The following GRM4 variants were observed in gnomAD, a reference collection of about 807,000 sequenced individuals.
GRM4 encodes the protein glutamate metabotropic receptor 4, also known as metabotropic glutamate receptor 4.
In GRM4, 28 loss-of-function variants were observed where a neutral mutation model predicts 81.7. The observed-to-expected ratio is 0.34, with a 90% CI of 0.25 to 0.47. The LOEUF (loss-of-function observed/expected upper bound fraction) is 0.47, where lower values mean the gene tolerates loss of function less well. GRM4 is among the 20% of genes least tolerant of loss of function. The pLI is 1.00. For missense variants in GRM4, 948 were observed against 1,290.0 expected, an observed-to-expected ratio of 0.73 and a Z score of 4.06; for synonymous variants, 488 against 528.8, an observed-to-expected ratio of 0.92 and a Z score of 1.06.
chr6:34,082,443 C>T (rs773187746), intron 3 of GRM4, among the ~76,000 whole-genome samples: 2 of 152,106 alleles, frequency 1.3e-5, no homozygotes, highest in African/African-American at 2.4e-5. Flanking sequence ...AGGAAAGCCA[C>T]GAGAAGTCAG....
chr6:34,056,895 A>G (rs544050498), intron 5 of GRM4, among the ~76,000 whole-genome samples: 20 of 152,352 alleles, frequency 1.3e-4, no homozygotes, highest in African/African-American at 3.6e-4. Flanking sequence ...GATCGTGTGT[A>G]ATCTACAACT....
upstream of GRM4, among the ~76,000 whole-genome samples, chr6:34,148,215 C>T (rs1423164170): frequency 6.6e-5 from 10 of 152,168 alleles, no homozygotes; most frequent in East Asian, 1.7e-3. Flanking sequence ...CTGACCACCC[C>T]GGGCCTCCAG....
chr6:34,022,939 G>T lies in GRM4; in HGVS notation c.2690-69C>A. 1.6e-6 allele frequency: 2 copies of T among 1,217,310 alleles called. No homozygotes were observed. The highest frequency in any genetic ancestry group is 1.7e-5 in the Admixed American group (1 of 59,444). The allele number at this position is 1,217,310 out of a possible 1,614,324, so 75.4% of individuals were successfully genotyped here. A position where few individuals can be genotyped will look rare whatever the true frequency, so the allele number is the denominator to read the frequency against. ...TTTTCTCAAACTGTCCTTCCACATGGGCACAGCCCTGCACAAGAACCTACC... is the reference window on the plus strand; with the variant it reads ...TTTTCTCAAACTGTCCTTCCACATGTGCACAGCCCTGCACAAGAACCTACC... On this transcript the variant is annotated intron_variant, in intron 10 of 10. Transcript: ENST00000538487. This position sits in a 1 kb window ranked among gnomAD's most constrained non-coding sequence, Gnocchi z 5.6.
In GRM4 at chr6:34,028,234, T is replaced by C. The variant is rs747096085; in HGVS notation, c.2575A>G (p.Ser859Gly). 6.2e-7 allele frequency: 1 copy of C among 1,613,972 alleles called. No individual in the cohort carries two copies. The highest frequency in any genetic ancestry group is 8.5e-7 in the Non-Finnish European group (1 of 1,180,038). Residue 859 changes from serine to glycine, a missense_variant, in exon 10 of 11, where the codon AGC becomes GGC. By Grantham distance (56) the Ser-to-Gly change is moderately conservative. Coordinates refer to ENST00000538487, the MANE Select transcript of GRM4 (RefSeq NM_000841.4). ...PEQNVPKRKR[S>G]LKAVVTAATM... is the part of the protein sequence containing the mutation. ...GCCGCCGTAACGACGGCTTTGAGGC[T>C]GCGCTTGCGCTTGGGCACGTTCTGC...
rs183785605 is a variant in GRM4, at chr6:34,065,071, T to C, written c.737-3043A>G. The stretch of plus-strand genomic sequence containing the variant: ...CTGAGAATAAAGGGGCAGTGTTTCA[T>C]GTGCCGGAGCCTCTTCTGCAGCCCC... On this transcript the variant is annotated intron_variant, in intron 3 of 10. Coordinates refer to ENST00000538487, the MANE Select transcript of GRM4 (RefSeq NM_000841.4). 5.2e-3 allele frequency among the ~76,000 whole-genome samples: 796 copies of C among 152,272 alleles called. 4 individuals are homozygous for C. The highest frequency in any genetic ancestry group is 0.018 in the African/African-American group (744 of 41,532).
chr6:34,129,842 C>T (rs565021208), intron 2 of GRM4, among the ~76,000 whole-genome samples: 2 of 152,310 alleles, frequency 1.3e-5, no homozygotes, highest in African/African-American at 4.8e-5. Flanking sequence ...GACTGCACTC[C>T]ATTAGCATTC....
intron 2 of GRM4, among the ~76,000 whole-genome samples, chr6:34,123,925 C>T (rs6913755): frequency 0.098 from 14,895 of 151,972 alleles, 1,314 homozygotes; most frequent in African/African-American, 0.23. Flanking sequence ...GGGGGAGTAA[C>T]GGGGTGGGGT....
At chr6:34,097,822 C>T (rs1448411533) in intron 2 of GRM4, among the ~76,000 whole-genome samples, 2 of 152,212 alleles carry the variant, frequency 1.3e-5, no homozygotes, top group African/African-American at 4.8e-5. Context: ...ATCCCCACCA[C>T]GAACCCCACA....
chr6:34,077,349 C>T (rs1767366784), intron 3 of GRM4, among the ~76,000 whole-genome samples: 1 of 152,116 alleles, frequency 6.6e-6, no homozygotes, highest in African/African-American at 2.4e-5. Context: ...GATAGCTCAG[C>T]GTCCCTGGGG....
At chr6:34,033,720 T>C (rs1244921311) in intron 9 of GRM4, among the ~76,000 whole-genome samples, 1 of 151,628 alleles carries the variant, frequency 6.6e-6, no homozygotes, top group African/African-American at 2.4e-5. Flanking sequence ...TCTCTCTCCC[T>C]CTCTCTCTCT....
At chr6:34,065,081 C>A (rs540282658) in intron 3 of GRM4, among the ~76,000 whole-genome samples, 55 of 152,282 alleles carry the variant, frequency 3.6e-4, no homozygotes, top group African/African-American at 1.2e-3. Flanking sequence ...TGTGCCGGAG[C>A]CTCTTCTGCA....
intron 2 of GRM4, among the ~76,000 whole-genome samples, chr6:34,127,750 C>T (rs1192926520): frequency 6.6e-6 from 1 of 152,100 alleles, no homozygotes; most frequent in Non-Finnish European, 1.5e-5. Flanking sequence ...GGTGAGCTGA[C>T]GAACAGAAAG....
chr6:34,031,253 C>G (rs1764401148), intron 9 of GRM4, among the ~76,000 whole-genome samples: 1 of 152,218 alleles, frequency 6.6e-6, no homozygotes. Flanking sequence ...TGCCTGAACT[C>G]CCACCATCCC....
intron 3 of GRM4, among the ~76,000 whole-genome samples, chr6:34,085,160 T>C (rs1032136376): frequency 9.9e-5 from 15 of 152,124 alleles, no homozygotes; most frequent in African/African-American, 2.2e-4. Flanking sequence ...GCTGAGGCCC[T>C]CTATATGCAA....
chr6:34,044,392 A>C (rs763781170), intron 6 of GRM4, among the ~76,000 whole-genome samples: 1 of 151,980 alleles, frequency 6.6e-6, no homozygotes, highest in Admixed American at 6.6e-5. Context: ...ATAGACATAC[A>C]TACATACACA....
chr6:34,044,758 A>C (rs1765264159), intron 6 of GRM4, among the ~76,000 whole-genome samples: 1 of 132,812 alleles, frequency 7.5e-6, no homozygotes, highest in Non-Finnish European at 1.6e-5. Flanking sequence ...ATATACACAT[A>C]CACACACATA....
intron 1 of GRM4, among the ~76,000 whole-genome samples, chr6:34,143,010 A>T (rs1581740812): frequency 6.6e-6 from 1 of 152,098 alleles, no homozygotes; most frequent in Non-Finnish European, 1.5e-5. Context: ...AGGGTAGAGC[A>T]CTCCTTTGGG....
chr6:34,028,100 G>C lies in GRM4; in HGVS notation c.2689+20C>G, dbSNP rs766796617. The C allele has an allele frequency of 1.6e-5, 25 of 1,602,352 alleles. No individual in the cohort carries two copies. The Admixed American group carries it at 3.6e-4, about 23-fold the overall frequency. On this transcript the variant is annotated intron_variant, in intron 10 of 10. Transcript: ENST00000538487. The stretch of plus-strand genomic sequence containing the variant: ...GCGGGGCCTGGGGCCCGAGAGGGCA[G>C]AACGGGGCCAGGCACTCACCTGGGG...
rs9968893 is a variant in GRM4, at chr6:34,077,127, C to T, written c.736+14756G>A. 2.2e-3 allele frequency among the ~76,000 whole-genome samples: 336 copies of T among 152,232 alleles called. 1 individual carries two copies. Among genetic ancestry groups the T allele is most frequent in the African/African-American group, 6.3e-3 (261 of 41,512 alleles). ...CTGTCCCGTGTTACAGTGCAAGGGA[C>T]TAGACGCTCAAGTAATTGTGATAAT... On this transcript the variant is annotated intron_variant, in intron 3 of 10. Transcript: ENST00000538487.
Sources: allele counts gnomAD v4.1 joint callset (sites outside exome capture counted in the v4.1 genomes callset), GRCh38; gene constraint gnomAD v4.1.1; non-coding constraint Gnocchi (gnomAD v3.1); transcripts MANE v1.5; gene names NCBI Gene and HGNC (gene_info 2026-07-23, HGNC 2026-07-21).